Variants in SEC23IP observed in about 807,000 individuals in gnomAD.
SEC23IP encodes the protein SEC23 interacting protein.
In SEC23IP, 70 loss-of-function variants were observed where a neutral mutation model predicts 113.4. The ratio of observed to expected loss-of-function variants is 0.62; its 90% CI spans 0.51 to 0.75. The LOEUF (loss-of-function observed/expected upper bound fraction) is 0.75, where lower values mean the gene tolerates loss of function less well. Among genes scored for constraint, SEC23IP ranks in the 30% least tolerant of loss-of-function variants. The pLI is 0.00. For missense variants in SEC23IP, 1,160 were observed against 1,204.9 expected, an observed-to-expected ratio of 0.96 and a Z score of 0.55; for synonymous variants, 398 against 421.0, an observed-to-expected ratio of 0.95 and a Z score of 0.67.
At chr10:119,895,726 G>GA (rs1264796903) in intron 1 of SEC23IP, among the ~76,000 whole-genome samples, 4 of 152,110 alleles carry the variant, frequency 2.6e-5, no homozygotes, top group Non-Finnish European at 4.4e-5. Flanking sequence ...CTGAAGGTGT[G>GA]AAAAAATCTT....
At chr10:119,904,025 TTTA>T (rs1854579691) in intron 3 of SEC23IP, 56 bp from the exon 4 acceptor site, 2 of 1,567,270 alleles carry the variant, frequency 1.3e-6, no homozygotes, top group African/African-American at 2.7e-5. Flanking sequence ...CAGCAGATTA[TTTA>T]TTATTTTACA....
At chr10:119,922,981 C>T (rs1855297119) in intron 12 of SEC23IP, among the ~76,000 whole-genome samples, 1 of 141,884 alleles carries the variant, frequency 7.0e-6, no homozygotes, top group African/African-American at 2.7e-5. Context: ...TCCGTGTATA[C>T]ATCAGTGAAG....
At chr10:119,896,965 A>G (rs1370780937) in intron 1 of SEC23IP, among the ~76,000 whole-genome samples, 1 of 152,232 alleles carries the variant, frequency 6.6e-6, no homozygotes, top group Non-Finnish European at 1.5e-5. Context: ...GAAACTACCA[A>G]AAGGAGTATT....
chr10:119,929,297 G>A, intron 13 of SEC23IP, among the ~76,000 whole-genome samples: 1 of 152,076 alleles, frequency 6.6e-6, no homozygotes, highest in East Asian at 1.9e-4. Context: ...GCGGTGGTGT[G>A]ATCTTGGCTC....
chr10:119,931,866 A>G (rs1337025252), intron 15 of SEC23IP, among the ~76,000 whole-genome samples: 2 of 151,752 alleles, frequency 1.3e-5, no homozygotes, highest in African/African-American at 4.8e-5. Context: ...TTACGTTTTT[A>G]TGGTATTTGA....
intron 2 of SEC23IP, among the ~76,000 whole-genome samples, chr10:119,900,281 ATGTGTG>A (rs35080845): frequency 7.3e-6 from 1 of 137,150 alleles, no homozygotes; most frequent in African/African-American, 2.5e-5. Context: ...GTGTGTGTGT[ATGTGTG>A]TGTGTGTGTG....
Position 119,909,052 on chromosome 10 carries a change from A to G in SEC23IP, c.1113A>G (p.Lys371=). The change falls in exon 5 of 19, where the codon AAA becomes AAG. Residue 371 remains lysine (K), a synonymous_variant. Transcript: ENST00000369075. ...EFSEKLEAEY[K]KAVTTNQWHR... Reference sequence around the variant, plus strand: ...TTCCCCCATTATAGGCTGAATATAAAAAAGCTGTAACCACTAATCAGTGGC... The same window carrying G: ...TTCCCCCATTATAGGCTGAATATAAGAAAGCTGTAACCACTAATCAGTGGC... The G allele has an allele frequency of 6.2e-7, 1 of 1,608,256 alleles. No homozygotes were observed. The highest frequency in any genetic ancestry group is 8.5e-7 in the Non-Finnish European group (1 of 1,177,176).
intron 12 of SEC23IP, among the ~76,000 whole-genome samples, chr10:119,923,525 G>A (rs189214142): frequency 2.0e-5 from 3 of 151,102 alleles, no homozygotes; most frequent in Admixed American, 2.0e-4. Context: ...TGGGGATATT[G>A]ATAGTCAAGT....
chr10:119,922,707 G>C (rs1825276892), intron 12 of SEC23IP, among the ~76,000 whole-genome samples: 1 of 152,182 alleles, frequency 6.6e-6, no homozygotes, highest in Non-Finnish European at 1.5e-5. Context: ...TAGACAAGCA[G>C]TATTTGATTA....
intron 1 of SEC23IP, among the ~76,000 whole-genome samples, chr10:119,893,932 G>T (rs1854187703): frequency 6.6e-6 from 1 of 152,096 alleles, no homozygotes; most frequent in South Asian, 2.1e-4. Flanking sequence ...ATTGTCCAGG[G>T]AGATTGCTTT....
rs999480083 is a variant in SEC23IP at position 119,944,533 on chromosome 10, C to T, written c.*3968C>T. On this transcript the variant is annotated 3_prime_UTR_variant, in exon 19 of 19. Coordinates refer to ENST00000369075, the MANE Select transcript of SEC23IP (RefSeq NM_007190.4). ...AGTGCATTCCAGACCTGTGGAAAGA[C>T]GCGAGGTTGGAAAGAACATCACAAC... The T allele has an allele frequency of 2.6e-5, 4 of 152,136 alleles. No individual in the cohort carries two copies. The highest frequency in any genetic ancestry group is 7.2e-5 in the African/African-American group (3 of 41,416). 9.4% of individuals were successfully genotyped at this position (152,136 alleles called of 1,614,324 possible).
chr10:119,925,640 C>T (rs570910293), intron 12 of SEC23IP, among the ~76,000 whole-genome samples: 89 of 152,204 alleles, frequency 5.8e-4, no homozygotes, highest in African/African-American at 2.0e-3. Flanking sequence ...CTTCTAGGCT[C>T]AAGTGATCCT....
chr10:119,916,752 T>A (rs1855065327), intron 8 of SEC23IP, among the ~76,000 whole-genome samples: 1 of 152,116 alleles, frequency 6.6e-6, no homozygotes, highest in Non-Finnish European at 1.5e-5. Context: ...AATGGAAGAG[T>A]AATCTTCCCT....
intron 11 of SEC23IP, 54 bp from the exon 12 acceptor site, chr10:119,920,830 CTCATT>C (rs1855229993): frequency 5.2e-6 from 6 of 1,156,072 alleles, no homozygotes; most frequent in Non-Finnish European, 7.6e-6. Context: ...TTTTCATATT[CTCATT>C]TCAGTTCTTC....
At chr10:119,925,409 A>C (rs1180430779) in intron 12 of SEC23IP, among the ~76,000 whole-genome samples, 1 of 152,218 alleles carries the variant, frequency 6.6e-6, no homozygotes. Context: ...ACTTCTGCTT[A>C]GTTGTAACTG....
At chr10:119,907,944 T>G (rs1441600583) in intron 4 of SEC23IP, among the ~76,000 whole-genome samples, 1 of 152,210 alleles carries the variant, frequency 6.6e-6, no homozygotes, top group Non-Finnish European at 1.5e-5. Context: ...AGAGCAAGAC[T>G]CTGTCTCAAG....
At chr10:119,918,761 A>G (rs1772744204) in intron 10 of SEC23IP, among the ~76,000 whole-genome samples, 1 of 152,144 alleles carries the variant, frequency 6.6e-6, no homozygotes, top group Non-Finnish European at 1.5e-5. Context: ...GAGTACAGTT[A>G]TAGGCCCAAA....
At position 119,904,060 on chromosome 10, in the gene SEC23IP, A is replaced by G. The variant is rs570199128; in HGVS notation, c.908-24A>G. 5.6e-6 allele frequency: 9 copies of G among 1,609,754 alleles called. No individual in the cohort carries two copies. In the African/African-American group the frequency reaches 8.0e-5, roughly 14 times the overall value. ...TACAATATGCCTTGCAGCAGTTAGG[A>G]AAAGTGTTAATTTTGTTCTCTAGTT... is the stretch of plus-strand genomic sequence containing the variant. On this transcript the variant is annotated intron_variant, in intron 3 of 18. Coordinates refer to ENST00000369075, the MANE Select transcript of SEC23IP (RefSeq NM_007190.4).
chr10:119,899,044 T>C, intron 2 of SEC23IP, 85 bp downstream of exon 2: 1 of 1,158,956 alleles, frequency 8.6e-7, no homozygotes, highest in Non-Finnish European at 1.2e-6. Flanking sequence ...ACATTTCACA[T>C]CTTATAATCA....
Sources: allele counts gnomAD v4.1 joint callset (sites outside exome capture counted in the v4.1 genomes callset), GRCh38; gene constraint gnomAD v4.1.1; transcripts MANE v1.5; gene names NCBI Gene and HGNC (gene_info 2026-07-23, HGNC 2026-07-21).